FAM135A: variants seen among roughly 807,000 people sequenced by gnomAD.
FAM135A encodes the protein family with sequence similarity 135 member A, also known as protein FAM135A.
A neutral mutation model predicts 146.8 loss-of-function variants in FAM135A; 79 were observed. The observed-to-expected ratio is 0.54, with a 90% CI of 0.45 to 0.65. FAM135A has a LOEUF of 0.65. FAM135A is among the 30% of genes least tolerant of loss of function. FAM135A has a pLI of 0.00. For synonymous variants in FAM135A, 562 were observed against 603.6 expected, an observed-to-expected ratio of 0.93 and a Z score of 1.01; for missense variants, 1,623 against 1,758.2, an observed-to-expected ratio of 0.92 and a Z score of 1.38.
At chr6:70,537,758 A>C (rs1326157904) in intron 19 of FAM135A, among the ~76,000 whole-genome samples, 5 of 152,324 alleles carry the variant, frequency 3.3e-5, no homozygotes, top group Admixed American at 6.5e-5. Flanking sequence ...AGATGCATTT[A>C]AATATGGGTT....
rs1170093624 is a variant in FAM135A at position 70,492,445 on chromosome 6, TA to T, written c.873+1367del. Reference sequence around the variant, plus strand: ...TGAAATGACTCCCTCAGACAATTTTTAAAAAGATAAGTTTTTTAAAGACCAA... The same window carrying T: ...TGAAATGACTCCCTCAGACAATTTTTAAAAGATAAGTTTTTTAAAGACCAA... On this transcript the variant is annotated intron_variant, in intron 11 of 21. Coordinates refer to ENST00000418814, the MANE Select transcript of FAM135A (RefSeq NM_001162529.3). 9.2e-5 allele frequency among the ~76,000 whole-genome samples: 14 copies of T among 151,912 alleles called. No homozygotes were observed. The East Asian group carries it at 2.7e-3, about 29-fold the overall frequency.
chr6:70,415,093 G>A, intron 1 of FAM135A, among the ~76,000 whole-genome samples, 198 bp from the exon 2 acceptor site: 1 of 152,302 alleles, frequency 6.6e-6, no homozygotes, highest in Non-Finnish European at 1.5e-5. Flanking sequence ...GCTTATAGGA[G>A]ACATACGTGA....
intron 17 of FAM135A, 66 bp downstream of exon 17, chr6:70,533,317 CT>C: frequency 7.9e-7 from 1 of 1,265,930 alleles, no homozygotes; most frequent in Non-Finnish European, 1.1e-6. Flanking sequence ...TAAATTTTGC[CT>C]TACTACAAAA....
chr6:70,557,022 A>C (rs1055748179), intron 21 of FAM135A, 159 bp downstream of exon 21: 11 of 620,076 alleles, frequency 1.8e-5, no homozygotes, highest in Admixed American at 5.3e-5. Flanking sequence ...CATTCTTCTC[A>C]CCTGCCACGT....
chr6:70,521,778 A>G (rs1010757271), intron 12 of FAM135A, among the ~76,000 whole-genome samples: 1 of 152,220 alleles, frequency 6.6e-6, no homozygotes, highest in South Asian at 2.1e-4. Context: ...TTAAAAATGA[A>G]AGGGTTAAAA....
Position 70,459,191 on chromosome 6 carries a change from C to A in FAM135A, c.157+6620C>A, listed in dbSNP as rs773726190. Among the ~76,000 whole-genome samples, 36 of 151,912 alleles carry A rather than the reference C, an allele frequency of 2.4e-4. 1 individual carries two copies. The highest frequency in any genetic ancestry group is 5.9e-5 in the Non-Finnish European group (4 of 67,954). Reference sequence around the variant, plus strand: ...CTCTATTTTTCTTTTAACTTTGATTCGTACTTTCATCTTAATACCTTTTCC... The same window carrying A: ...CTCTATTTTTCTTTTAACTTTGATTAGTACTTTCATCTTAATACCTTTTCC... On this transcript the variant is annotated intron_variant, in intron 5 of 21. Transcript: ENST00000418814.
chr6:70,466,748 A>G (rs1437498701), intron 5 of FAM135A, among the ~76,000 whole-genome samples: 1 of 152,228 alleles, frequency 6.6e-6, no homozygotes, highest in African/African-American at 2.4e-5. Context: ...TGAAGTGAAA[A>G]TAGTATCATC....
At position 70,480,920 on chromosome 6, in the gene FAM135A, A is replaced by C; in HGVS notation, c.562A>C (p.Thr188Pro). The C allele has an allele frequency of 4.3e-6, 7 of 1,611,040 alleles. No individual in the cohort carries two copies. Among genetic ancestry groups the C allele is most frequent in the Non-Finnish European group, 5.9e-6 (7 of 1,178,852 alleles). The stretch of plus-strand genomic sequence containing the variant: ...CTCCAGCTTTCCTCGCCCTGTGAAG[A>C]CAACTTGGTTAAATAGAAATGCACC... ...PLISFPRPVK[T>P]TWLNRNAPAQ... Residue 188 changes from threonine to proline, a missense_variant, in exon 9 of 22, where the codon ACA becomes CCA. Physicochemically the swap from Thr to Pro is conservative, Grantham distance 38. Around this residue, in one of 7 missense-constraint regions of FAM135A, gnomAD observed 206 missense variants for 194.7 expected, o/e 1.06. Coordinates refer to ENST00000418814, the MANE Select transcript of FAM135A (RefSeq NM_001162529.3).
intron 2 of FAM135A, among the ~76,000 whole-genome samples, chr6:70,422,767 T>C (rs954437899): frequency 1.3e-5 from 2 of 152,238 alleles, no homozygotes; most frequent in African/African-American, 2.4e-5. Context: ...ATTTATGGAA[T>C]CTTTAATGCT....
intron 5 of FAM135A, among the ~76,000 whole-genome samples, chr6:70,463,672 AAAT>A (rs1290636678): frequency 2.0e-5 from 3 of 152,192 alleles, no homozygotes; most frequent in Admixed American, 6.5e-5. Flanking sequence ...CTTTAAAAAA[AAAT>A]GAGGAAAAGT....
chr6:70,532,149 T>C (rs934891302), intron 16 of FAM135A, among the ~76,000 whole-genome samples: 4 of 152,120 alleles, frequency 2.6e-5, no homozygotes, highest in Admixed American at 6.5e-5. Flanking sequence ...GTGCTGGGAT[T>C]ACAGGCGTGA....
At chr6:70,473,924 A>G (rs1355132295) in intron 5 of FAM135A, among the ~76,000 whole-genome samples, 2 of 151,716 alleles carry the variant, frequency 1.3e-5, no homozygotes, top group Middle Eastern at 3.4e-3. Context: ...TTGTGTTCCA[A>G]CCCCCCAGCC....
chr6:70,472,294 T>C (rs1781776175), intron 5 of FAM135A, among the ~76,000 whole-genome samples: 1 of 152,220 alleles, frequency 6.6e-6, no homozygotes, highest in Admixed American at 6.5e-5. Flanking sequence ...AGAATTTCTT[T>C]CCCTTCTCAG....
In FAM135A at chr6:70,511,907, C is replaced by T. The variant is rs139478282; in HGVS notation, c.1029+9116C>T. Among the ~76,000 whole-genome samples the T allele has an allele frequency of 3.0e-3, 459 of 151,864 alleles. 1 individual carries two copies. The highest frequency in any genetic ancestry group is 1.0e-2 in the African/African-American group (413 of 41,450). ...GTGGTATTTGTGTATCTAAGCCTAT[C>T]TAAACATAGAAAAGGTACAGTAAAA... On this transcript the variant is annotated intron_variant, in intron 12 of 21. Coordinates refer to ENST00000418814, the MANE Select transcript of FAM135A (RefSeq NM_001162529.3).
At chr6:70,507,973 T>A (rs1790173013) in intron 12 of FAM135A, among the ~76,000 whole-genome samples, 1 of 152,062 alleles carries the variant, frequency 6.6e-6, no homozygotes, top group Non-Finnish European at 1.5e-5. Context: ...TACCATAGAT[T>A]GATTCATGTA....
chr6:70,438,657 G>A (rs1370602463), intron 4 of FAM135A, among the ~76,000 whole-genome samples: 5 of 152,136 alleles, frequency 3.3e-5, no homozygotes, highest in Non-Finnish European at 5.9e-5. Flanking sequence ...TTGGATTCAC[G>A]AGAAGCTGTA....
chr6:70,437,759 A>G (rs1264496400), intron 4 of FAM135A, among the ~76,000 whole-genome samples: 1 of 152,172 alleles, frequency 6.6e-6, no homozygotes, highest in Non-Finnish European at 1.5e-5. Context: ...GAAACTTGTT[A>G]AAGTTATTGA....
chr6:70,534,233 G>T (rs1224684244), intron 18 of FAM135A, among the ~76,000 whole-genome samples: 3 of 147,134 alleles, frequency 2.0e-5, no homozygotes, highest in Non-Finnish European at 4.4e-5. Context: ...TATAGGCTCT[G>T]TGAGTTACAT....
chr6:70,499,361 G>C (rs1416721290), intron 11 of FAM135A, among the ~76,000 whole-genome samples: 1 of 151,892 alleles, frequency 6.6e-6, no homozygotes, highest in East Asian at 1.9e-4. Context: ...CCTTTATTTT[G>C]AGCCTATATG....
Sources: allele counts gnomAD v4.1 joint callset (sites outside exome capture counted in the v4.1 genomes callset), GRCh38; gene constraint gnomAD v4.1.1; regional missense constraint gnomAD v4.1.1; transcripts MANE v1.5; gene names NCBI Gene and HGNC (gene_info 2026-07-23, HGNC 2026-07-21).